Variants in MARVELD2 observed in about 807,000 individuals in gnomAD.
MARVELD2 encodes MARVEL domain-containing protein 2.
In MARVELD2, 49 loss-of-function variants were observed where a neutral mutation model predicts 57.6. That is an observed-to-expected ratio of 0.85 (90% CI 0.68 to 1.08). The LOEUF (loss-of-function observed/expected upper bound fraction) is 1.08, where lower values mean the gene tolerates loss of function less well. Ranked by LOEUF, MARVELD2 falls within the 50% of genes least tolerant of loss-of-function variation. The pLI is 0.00. For missense variants in MARVELD2, 606 were observed against 701.1 expected, an observed-to-expected ratio of 0.86 and a Z score of 1.53; for synonymous variants, 238 against 258.8, an observed-to-expected ratio of 0.92 and a Z score of 0.77.
chr5:69,421,635 T>C (rs299092), intron 2 of MARVELD2, among the ~76,000 whole-genome samples: 75,205 of 151,828 alleles, frequency 0.5, 18,672 homozygotes, highest in South Asian at 0.53. Flanking sequence ...TTTTAATTTT[T>C]TTTTTCTTTA....
chr5:69,429,628 G>C (rs1766895742), intron 3 of MARVELD2, among the ~76,000 whole-genome samples: 1 of 152,062 alleles, frequency 6.6e-6, no homozygotes, highest in Non-Finnish European at 1.5e-5. Flanking sequence ...TGCAACTTTA[G>C]GATATGAACA....
chr5:69,440,361 A>G (rs917152622), intron 5 of MARVELD2, 89 bp from the exon 6 acceptor site: 54 of 686,220 alleles, frequency 7.9e-5, no homozygotes, highest in Non-Finnish European at 1.4e-4. Flanking sequence ...GGTAAAAATT[A>G]TTTTTTGTTC....
chr5:69,426,746 G>A lies in MARVELD2; in HGVS notation c.1182+2110G>A, dbSNP rs1024289160. ...AAAAGGGTCTGTCACCCAGGCTGAGGGCAGCCGCAAACTCCTGGGCTCAAA... is the reference window on the plus strand; with the variant it reads ...AAAAGGGTCTGTCACCCAGGCTGAGAGCAGCCGCAAACTCCTGGGCTCAAA... On this transcript the variant is annotated intron_variant, in intron 3 of 6. Transcript: ENST00000325631. Among the ~76,000 whole-genome samples, 7 of 152,216 alleles carry A rather than the reference G, an allele frequency of 4.6e-5. No individual in the cohort carries two copies. In the South Asian group the frequency reaches 8.3e-4, roughly 18 times the overall value.
chr5:69,420,413 C>G lies in MARVELD2; in HGVS notation c.1028C>G (p.Ala343Gly), dbSNP rs1766589788. Residue 343 changes from alanine to glycine, a missense_variant, in exon 2 of 7, where the codon GCT (alanine) becomes GGT (glycine). Ala to Gly is a moderately conservative substitution (Grantham distance 60, BLOSUM62 0). Transcript: ENST00000325631. ...TGCCGGGTAGAAGGAGGACAGATAGCTGCAATGATCTTCCTGTTTGTCACC... is the reference window on the plus strand; with the variant it reads ...TGCCGGGTAGAAGGAGGACAGATAGGTGCAATGATCTTCCTGTTTGTCACC... ...VFCRVEGGQI[A>G]AMIFLFVTMI... is the part of the protein sequence containing the mutation. 6.2e-7 allele frequency: 1 copy of G among 1,613,852 alleles called. No homozygotes were observed. The highest frequency in any genetic ancestry group is 1.3e-5 in the African/African-American group (1 of 74,914).
chr5:69,424,221 G>T (rs1369317623), intron 2 of MARVELD2, among the ~76,000 whole-genome samples: 2 of 152,128 alleles, frequency 1.3e-5, no homozygotes, highest in Non-Finnish European at 2.9e-5. Context: ...CTTCCTAAAG[G>T]TTAGAAGATG....
At chr5:69,430,445 G>A (rs1459297303) in intron 3 of MARVELD2, among the ~76,000 whole-genome samples, 2 of 151,650 alleles carry the variant, frequency 1.3e-5, no homozygotes, top group Non-Finnish European at 2.9e-5. Context: ...CAAACATCTG[G>A]GCTCAAGCAG....
intron 5 of MARVELD2, among the ~76,000 whole-genome samples, chr5:69,435,344 T>C (rs2150929353): frequency 6.6e-6 from 1 of 152,166 alleles, no homozygotes; most frequent in South Asian, 2.1e-4. Context: ...GAGATCTCAT[T>C]CACATATAAT....
At chr5:69,425,263 A>C in intron 3 of MARVELD2, among the ~76,000 whole-genome samples, 1 of 107,274 alleles carries the variant, frequency 9.3e-6, no homozygotes, top group Admixed American at 1.1e-4. Flanking sequence ...GGGAGCGGGG[A>C]GGGATAGCAT....
chr5:69,437,189 A>C (rs1295233648), intron 5 of MARVELD2, among the ~76,000 whole-genome samples: 1 of 6,584 alleles, frequency 1.5e-4, no homozygotes, highest in Non-Finnish European at 4.2e-3. Context: ...ACTTCATCTC[A>C]AAAAAAAAAA....
At position 69,420,308 on chromosome 5, in the gene MARVELD2, C is replaced by G. The variant is rs781166962; in HGVS notation, c.923C>G (p.Ala308Gly). Reference protein sequence around the residue: ...VALFILYMAAAIVYVNDTNRG... With the variant: ...VALFILYMAAGIVYVNDTNRG... ...TTGTTTATTTTGTATATGGCCGCAG[C>G]CATAGTCTATGTGAATGATACCAAC... Residue 308 changes from alanine (A) to glycine (G), a missense_variant, in exon 2 of 7, where the codon GCC (alanine) becomes GGC (glycine). Physicochemically the swap from Ala to Gly is moderately conservative, Grantham distance 60. Transcript: ENST00000325631. 1.9e-6 allele frequency: 3 copies of G among 1,614,020 alleles called. No individual in the cohort carries two copies. Among genetic ancestry groups the G allele is most frequent in the Non-Finnish European group, 2.5e-6 (3 of 1,180,026 alleles).
rs139234053 is a variant in MARVELD2, at chr5:69,420,193, A to C, written c.808A>C (p.Ile270Leu). The change falls in exon 2 of 7, where the codon ATT (isoleucine) becomes CTT (leucine). Residue 270 changes from isoleucine (I) to leucine (L), a missense_variant. By Grantham distance (5) the Ile-to-Leu change is conservative (BLOSUM62 2). Transcript: ENST00000325631. ...ATTAGCTTGGATCACCACCATTATTATTCTGGTTCTTGGCATGTCCATGTA... is the reference window on the plus strand; with the variant it reads ...ATTAGCTTGGATCACCACCATTATTCTTCTGGTTCTTGGCATGTCCATGTA... ...AGLAWITTIIILVLGMSMYYR... is the reference protein window; with the variant it reads ...AGLAWITTIILLVLGMSMYYR... 1.1e-4 allele frequency: 185 copies of C among 1,614,002 alleles called. 1 individual carries two copies. The Middle Eastern group carries it at 3.3e-3, about 29-fold the overall frequency.
At position 69,442,702 on chromosome 5, in the gene MARVELD2, T is replaced by G. The variant is rs1189642698; in HGVS notation, c.*1048T>G. The G allele has an allele frequency of 1.3e-5, 2 of 152,440 alleles. No homozygotes were observed. 9.4% of individuals were successfully genotyped at this position (152,440 alleles called of 1,614,324 possible). On this transcript the variant is annotated 3_prime_UTR_variant, in exon 7 of 7. Transcript: ENST00000325631. ...TCATGGCCTTAGCCTGGTGCTTCAC[T>G]GTGGCTCTGTGGCCCCTGGGGTTCC...
At chr5:69,425,493 C>T (rs570088248) in intron 3 of MARVELD2, among the ~76,000 whole-genome samples, 9 of 150,026 alleles carry the variant, frequency 6.0e-5, no homozygotes, top group Middle Eastern at 3.5e-3. Context: ...CTAAAAGGAC[C>T]AAATTAAACA....
At chr5:69,441,325 C>G (rs1210815155) in intron 6 of MARVELD2, among the ~76,000 whole-genome samples, 2 of 151,302 alleles carry the variant, frequency 1.3e-5, no homozygotes, top group Admixed American at 1.3e-4. Flanking sequence ...CTTTGTACTT[C>G]TGCTTGATTT....
At chr5:69,427,906 G>A (rs1388816313) in intron 3 of MARVELD2, among the ~76,000 whole-genome samples, 1 of 152,188 alleles carries the variant, frequency 6.6e-6, no homozygotes, top group East Asian at 1.9e-4. Context: ...GAGGCCAGGA[G>A]TTTGGGACCA....
At chr5:69,438,608 C>G (rs1156456368) in intron 5 of MARVELD2, among the ~76,000 whole-genome samples, 5 of 151,842 alleles carry the variant, frequency 3.3e-5, no homozygotes, top group Non-Finnish European at 1.5e-5. Context: ...AGTTAGCGGC[C>G]GGTCATGGTG....
intron 5 of MARVELD2, chr5:69,433,652 G>C (rs1270361204): frequency 6.4e-6 from 1 of 156,530 alleles, no homozygotes; most frequent in South Asian, 1.9e-4. Flanking sequence ...GTAGAGATGG[G>C]GTTTCACCGT....
Position 69,441,674 on chromosome 5 carries a change from TA to T in MARVELD2, c.*21del, listed in dbSNP as rs1161687789. ...TCTTAACGCTTATTTGAAACCACTT[TA>T]TTTTTTTATTTTATTTTATTTTTTT... On this transcript the variant is annotated 3_prime_UTR_variant, in exon 7 of 7. Transcript: ENST00000325631. 2.7e-6 allele frequency: 4 copies of T among 1,492,536 alleles called. No individual in the cohort carries two copies. The highest frequency in any genetic ancestry group is 1.2e-5 in the South Asian group (1 of 86,312). 92.5% of individuals were successfully genotyped at this position (1,492,536 alleles called of 1,614,324 possible). A position where few individuals can be genotyped will look rare whatever the true frequency, so the allele number is the denominator to read the frequency against.
intron 5 of MARVELD2, among the ~76,000 whole-genome samples, chr5:69,437,362 CA>C (rs1337194702): frequency 7.2e-5 from 8 of 110,678 alleles, no homozygotes; most frequent in East Asian, 5.4e-4. Flanking sequence ...GCCTGGGCAA[CA>C]AGAGCGAAAC....
Sources: gnomAD v4.1 joint callset for allele counts (sites outside exome capture counted in the v4.1 genomes callset) on GRCh38, gnomAD v4.1.1 for gene constraint, MANE v1.5 for transcripts, NCBI Gene and HGNC (gene_info 2026-07-23, HGNC 2026-07-21) for gene names.